The following TXNDC16 variants were observed in gnomAD, a reference collection of about 807,000 sequenced individuals.
The protein encoded by TXNDC16 is thioredoxin domain-containing protein 16.
TXNDC16 carries 74 observed loss-of-function variants against 85.6 expected under a neutral mutation model. That is an observed-to-expected ratio of 0.86 (90% CI 0.72 to 1.05). The LOEUF (loss-of-function observed/expected upper bound fraction) is 1.05. TXNDC16 is among the 50% of genes least tolerant of loss of function. The probability of loss-of-function intolerance (pLI) is 0.00; values close to 1 mark genes in which losing one functional copy is unlikely to be tolerated. For synonymous variants in TXNDC16, 335 were observed against 326.5 expected, an observed-to-expected ratio of 1.03 and a Z score of -0.28; for missense variants, 959 against 947.0, an observed-to-expected ratio of 1.01 and a Z score of -0.17.
intron 18 of TXNDC16, among the ~76,000 whole-genome samples, chr14:52,446,830 G>A (rs1490122449): frequency 6.6e-6 from 1 of 152,106 alleles, no homozygotes. Context: ...TGGGCCAGAA[G>A]GGAAACTGCT....
At chr14:52,466,553 C>G (rs1235261773) in intron 16 of TXNDC16, among the ~76,000 whole-genome samples, 3 of 151,576 alleles carry the variant, frequency 2.0e-5, no homozygotes, top group Non-Finnish European at 2.9e-5. Flanking sequence ...GCAAAAGAAG[C>G]AGACACCATA....
intron 6 of TXNDC16, among the ~76,000 whole-genome samples, chr14:52,526,283 T>C (rs1207168944): frequency 2.0e-5 from 3 of 152,234 alleles, no homozygotes; most frequent in East Asian, 3.8e-4. Context: ...GTAATACTTT[T>C]ACAGGGTTCA....
intron 6 of TXNDC16, among the ~76,000 whole-genome samples, chr14:52,534,877 C>T (rs1455051728): frequency 2.6e-5 from 4 of 152,140 alleles, no homozygotes; most frequent in Admixed American, 2.0e-4. Flanking sequence ...TTGTGGAATT[C>T]GTGTTCTATA....
At chr14:52,514,405 T>C (rs551793374) in intron 8 of TXNDC16, among the ~76,000 whole-genome samples, 13 of 152,254 alleles carry the variant, frequency 8.5e-5, no homozygotes, top group African/African-American at 2.6e-4. Context: ...AGCCAAAAAG[T>C]GTGGAAAGTA....
At position 52,470,183 on chromosome 14, in the gene TXNDC16, CAT is replaced by C; in HGVS notation, c.1482-12_1482-11del. 6.4e-7 allele frequency: 1 copy of C among 1,570,668 alleles called. No individual in the cohort carries two copies. Among genetic ancestry groups the C allele is most frequent in the South Asian group, 1.2e-5 (1 of 83,830 alleles). On this transcript the variant is annotated splice_polypyrimidine_tract_variant and intron_variant, in intron 15 of 20. Coordinates refer to ENST00000281741, the MANE Select transcript of TXNDC16 (RefSeq NM_020784.3). ...ATATGAAATCCTGTTGCTGGATAAACATATAACTATATTACAAATTAATTTTT... is the reference window on the plus strand; with the variant it reads ...ATATGAAATCCTGTTGCTGGATAAACATAACTATATTACAAATTAATTTTT...
chr14:52,432,521 G>A lies in TXNDC16; in HGVS notation c.2261C>T (p.Ala754Val), dbSNP rs759033334. ...CCTAGTGCCACGTTGAGATGTTGCG[G>A]CATCTATCATACTTAGAAAATCATA... The part of the protein sequence containing the change: ...PAYDFLSMID[A>V]ATSQRGTRKV... Residue 754 changes from alanine to valine, a missense_variant, in exon 21 of 21, where the codon GCC (alanine) becomes GTC (valine). Transcript: ENST00000281741. 3 of 1,613,784 alleles carry A rather than the reference G, an allele frequency of 1.9e-6. No individual in the cohort carries two copies. In the South Asian group the frequency reaches 3.3e-5, roughly 18 times the overall value.
chr14:52,455,255 G>C, intron 18 of TXNDC16, 69 bp downstream of exon 18: 1 of 1,567,152 alleles, frequency 6.4e-7, no homozygotes, highest in Non-Finnish European at 8.7e-7. Flanking sequence ...AAATGTGTAT[G>C]AACATATACT....
intron 18 of TXNDC16, among the ~76,000 whole-genome samples, chr14:52,445,523 G>A (rs1370828011): frequency 6.6e-6 from 1 of 152,160 alleles, no homozygotes; most frequent in Non-Finnish European, 1.5e-5. Context: ...TTCTAGCTAT[G>A]TTTAATATGA....
intron 9 of TXNDC16, among the ~76,000 whole-genome samples, chr14:52,495,168 C>G (rs779270516): frequency 9.2e-5 from 14 of 152,216 alleles, no homozygotes; most frequent in Non-Finnish European, 1.3e-4. Context: ...GTAAGCTCAT[C>G]TCTGCTTCAT....
intron 9 of TXNDC16, among the ~76,000 whole-genome samples, chr14:52,500,276 A>T (rs2036625937): frequency 6.6e-6 from 1 of 152,242 alleles, no homozygotes; most frequent in Admixed American, 6.5e-5. Flanking sequence ...ATTCAGCCTT[A>T]AAAAAGAATA....
At position 52,482,896 on chromosome 14, in the gene TXNDC16, G is replaced by GT. The variant is rs2036182690; in HGVS notation, c.1177dup (p.Thr393AsnfsTer10). 1.2e-6 allele frequency: 2 copies of GT among 1,611,970 alleles called. No homozygotes were observed. The highest frequency in any genetic ancestry group is 1.3e-5 in the African/African-American group (1 of 74,848). On this transcript the variant is annotated frameshift_variant, in exon 13 of 21. Coordinates refer to ENST00000281741, the MANE Select transcript of TXNDC16 (RefSeq NM_020784.3). LOFTEE classifies it high-confidence loss of function. ...AAATGTTTCTTCTGTTAGTTCCACT[G>GT]TAAGTTCCAAAGGTAATTTTCTCTT...
In TXNDC16 at chr14:52,488,366, T is replaced by A; in HGVS notation, c.1105A>T (p.Ile369Leu). 1 of 1,613,452 alleles carries A rather than the reference T, an allele frequency of 6.2e-7. No individual in the cohort carries two copies. Among genetic ancestry groups the A allele is most frequent in the Non-Finnish European group, 8.5e-7 (1 of 1,179,612 alleles). The change falls in exon 12 of 21, where the codon ATA (isoleucine) becomes TTA (leucine). Residue 369 changes from isoleucine (I) to leucine (L), a missense_variant. By Grantham distance (5) the Ile-to-Leu change is conservative (BLOSUM62 2). Transcript: ENST00000281741. ...DEDNDMEGPD[I>L]DVQDDEVAET... Reference sequence around the variant, plus strand: ...GGTGAGAATCATAACACATTACCTATATCTGGACCTTCCATGTCATTGTCT... The same window carrying A: ...GGTGAGAATCATAACACATTACCTAAATCTGGACCTTCCATGTCATTGTCT...
chr14:52,484,042 G>A (rs1299238718), intron 12 of TXNDC16, among the ~76,000 whole-genome samples: 1 of 152,198 alleles, frequency 6.6e-6, no homozygotes, highest in African/African-American at 2.4e-5. Context: ...TTCAAACACT[G>A]ACTGGATATA....
chr14:52,511,276 A>G lies in TXNDC16; in HGVS notation c.720T>C (p.Ile240=), dbSNP rs767619780. ...LMEQPLTTLN[I]HLFIKTMKAP... is the part of the protein sequence containing the mutation. ...CTTTCATTGTCTTAATAAACAGGTGAATGTTCAGTGTAGTCAATGGCTGTT... is the reference window on the plus strand; with the variant it reads ...CTTTCATTGTCTTAATAAACAGGTGGATGTTCAGTGTAGTCAATGGCTGTT... The change falls in exon 9 of 21, where the codon ATT becomes ATC. Residue 240 remains isoleucine, a synonymous_variant. Coordinates refer to ENST00000281741, the MANE Select transcript of TXNDC16 (RefSeq NM_020784.3). 6.3e-7 allele frequency: 1 copy of G among 1,592,958 alleles called. No individual in the cohort carries two copies. The highest frequency in any genetic ancestry group is 1.1e-5 in the South Asian group (1 of 87,360).
chr14:52,478,956 A>G (rs2036081440), intron 14 of TXNDC16, among the ~76,000 whole-genome samples: 1 of 152,112 alleles, frequency 6.6e-6, no homozygotes, highest in Non-Finnish European at 1.5e-5. Context: ...TATCAAAAAG[A>G]TAATCCACCA....
chr14:52,539,165 T>C (rs1413687106), intron 4 of TXNDC16, among the ~76,000 whole-genome samples: 1 of 152,152 alleles, frequency 6.6e-6, no homozygotes, highest in Admixed American at 6.6e-5. Context: ...TAATATGTAG[T>C]GTTAAGTCCT....
chr14:52,514,388 G>GTT (rs2140186234), intron 8 of TXNDC16, among the ~76,000 whole-genome samples: 1 of 152,238 alleles, frequency 6.6e-6, no homozygotes, highest in African/African-American at 2.4e-5. Flanking sequence ...TTAACCCTAG[G>GTT]TTGCCCAGCC....
rs1014884756 is a variant in TXNDC16, at chr14:52,490,432, T to C, written c.943A>G (p.Ile315Val). 2.5e-6 allele frequency: 4 copies of C among 1,602,020 alleles called. No homozygotes were observed. The highest frequency in any genetic ancestry group is 1.1e-5 in the South Asian group (1 of 88,074). ...AAGACCACATTAGCATCTTGAGGAATGTTCACTTCCAAAGAGTCCCTTTTT... is the reference window on the plus strand; with the variant it reads ...AAGACCACATTAGCATCTTGAGGAACGTTCACTTCCAAAGAGTCCCTTTTT... ...LLLRDSLEVN[I>V]PQDANVVFKR... Residue 315 changes from isoleucine to valine, a missense_variant, in exon 11 of 21, where the codon ATT (isoleucine) becomes GTT (valine). By Grantham distance (29) the Ile-to-Val change is conservative. Coordinates refer to ENST00000281741, the MANE Select transcript of TXNDC16 (RefSeq NM_020784.3).
chr14:52,492,728 A>C (rs996144930), intron 9 of TXNDC16, among the ~76,000 whole-genome samples: 1 of 152,192 alleles, frequency 6.6e-6, no homozygotes, highest in Non-Finnish European at 1.5e-5. Flanking sequence ...TGGTCTGTGC[A>C]GATCAGACAC....
Sources: allele counts gnomAD v4.1 joint callset (sites outside exome capture counted in the v4.1 genomes callset), GRCh38; gene constraint gnomAD v4.1.1; transcripts MANE v1.5; gene names NCBI Gene and HGNC (gene_info 2026-07-23, HGNC 2026-07-21).